The following XKR4 variants were observed in gnomAD, a reference collection of about 807,000 sequenced individuals.
XKR4 encodes the protein XK related 4.
In XKR4, 12 loss-of-function variants were observed where a neutral mutation model predicts 53.9. That is an observed-to-expected ratio of 0.22 (90% CI 0.14 to 0.36). The LOEUF is 0.36. Among genes scored for constraint, XKR4 ranks in the 10% least tolerant of loss-of-function variants. XKR4 has a pLI of 1.00. For synonymous variants in XKR4, 354 were observed against 362.4 expected, an observed-to-expected ratio of 0.98 and a Z score of 0.26; for missense variants, 799 against 859.5, an observed-to-expected ratio of 0.93 and a Z score of 0.88.
chr8:55,165,162 A>G (rs903361922), intron 1 of XKR4, among the ~76,000 whole-genome samples: 2 of 152,188 alleles, frequency 1.3e-5, no homozygotes, highest in African/African-American at 4.8e-5. Context: ...AGTTAACTCA[A>G]CTGGTCTTTA....
At chr8:55,464,471 G>A (rs1039914149) in intron 2 of XKR4, among the ~76,000 whole-genome samples, 15 of 152,058 alleles carry the variant, frequency 9.9e-5, no homozygotes, top group African/African-American at 2.9e-4. Context: ...TTGATGGGAC[G>A]TATCTCAAAA....
At chr8:55,468,370 A>G (rs919797671) in intron 2 of XKR4, among the ~76,000 whole-genome samples, 12 of 152,266 alleles carry the variant, frequency 7.9e-5, no homozygotes, top group African/African-American at 2.6e-4. Context: ...AACAGACAGA[A>G]GTATGAAGCC....
rs1019960976 is a variant in XKR4, at chr8:55,294,770, G to A, written c.807-62908G>A. Among the ~76,000 whole-genome samples the A allele has an allele frequency of 2.6e-5, 4 of 152,216 alleles. 1 individual carries two copies. The South Asian group carries it at 8.3e-4, about 32-fold the overall frequency. ...CTTCTATCAGTTAGACACCTGCTTT[G>A]GTTACTTAATAGGTGAGTGTTTGCA... On this transcript the variant is annotated intron_variant, in intron 1 of 2. Coordinates refer to ENST00000327381, the MANE Select transcript of XKR4 (RefSeq NM_052898.2).
chr8:55,454,438 G>A, intron 2 of XKR4: 1 of 1,203,728 alleles, frequency 8.3e-7, no homozygotes. Flanking sequence ...TGAGCTGCTG[G>A]TAGCTCCGGG....
At position 55,524,763 on chromosome 8, in the gene XKR4, A is replaced by G. The variant is rs1806858276; in HGVS notation, c.*536A>G. On this transcript the variant is annotated 3_prime_UTR_variant, in exon 3 of 3. Coordinates refer to ENST00000327381, the MANE Select transcript of XKR4 (RefSeq NM_052898.2). ...AAAAATAGTATTGCTTAGAAAAGAA[A>G]CCATTTTCTCATTTGGAAATCCATA... is the stretch of plus-strand genomic sequence containing the variant. 1 of 152,916 alleles carries G rather than the reference A, an allele frequency of 6.5e-6. No homozygotes were observed. Among genetic ancestry groups the G allele is most frequent in the Non-Finnish European group, 1.5e-5 (1 of 68,462 alleles). The allele number at this position is 152,916 out of a possible 1,614,324, so 9.5% of individuals were successfully genotyped here. A position where few individuals can be genotyped will look rare whatever the true frequency, so the allele number is the denominator to read the frequency against.
intron 1 of XKR4, among the ~76,000 whole-genome samples, chr8:55,218,823 T>C (rs1817838626): frequency 6.6e-6 from 1 of 152,198 alleles, no homozygotes; most frequent in Non-Finnish European, 1.5e-5. Context: ...AAAAAGAGCA[T>C]TCCTCTCATC....
chr8:55,491,397 A>G (rs1034444080), intron 2 of XKR4, among the ~76,000 whole-genome samples: 3 of 152,116 alleles, frequency 2.0e-5, no homozygotes. Context: ...CATATTTGGA[A>G]TTTGAATTTT....
chr8:55,355,009 T>C (rs1410562578), intron 1 of XKR4, among the ~76,000 whole-genome samples: 1 of 151,780 alleles, frequency 6.6e-6, no homozygotes, highest in African/African-American at 2.4e-5. Flanking sequence ...GTTCAAGTGA[T>C]TCTCCCGTCT....
intron 1 of XKR4, among the ~76,000 whole-genome samples, chr8:55,255,027 A>G (rs1048813019): frequency 2.0e-5 from 3 of 152,186 alleles, no homozygotes; most frequent in Non-Finnish European, 4.4e-5. Context: ...ACCGAATTTA[A>G]GCTAAAGCCA....
intron 1 of XKR4, among the ~76,000 whole-genome samples, chr8:55,195,998 C>A (rs1465247789): frequency 3.3e-5 from 5 of 152,192 alleles, no homozygotes; most frequent in Non-Finnish European, 1.5e-5. Flanking sequence ...AGGGACACAG[C>A]ATGCTCCTGT....
Position 55,405,614 on chromosome 8 carries a change from C to T in XKR4, c.1006+47737C>T, listed in dbSNP as rs72645658. Among the ~76,000 whole-genome samples, 392 of 152,224 alleles carry T rather than the reference C, an allele frequency of 2.6e-3. 4 individuals carry two copies. Among genetic ancestry groups the T allele is most frequent in the Non-Finnish European group, 4.5e-3 (305 of 68,020 alleles). ...TGCCCTGATTAGCTGGTGAGGAATC[C>T]GCAGATTCCATTGATGGTAGCACAC... On this transcript the variant is annotated intron_variant, in intron 2 of 2. Coordinates refer to ENST00000327381, the MANE Select transcript of XKR4 (RefSeq NM_052898.2).
At chr8:55,124,198 A>T (rs567313434) in intron 1 of XKR4, among the ~76,000 whole-genome samples, 1 of 152,174 alleles carries the variant, frequency 6.6e-6, no homozygotes, top group African/African-American at 2.4e-5. Flanking sequence ...CAAGCTGGCG[A>T]CGCTGCTCAC....
intron 1 of XKR4, among the ~76,000 whole-genome samples, chr8:55,324,717 GT>G (rs1803268598): frequency 6.6e-6 from 1 of 152,158 alleles, no homozygotes; most frequent in Non-Finnish European, 1.5e-5. Context: ...ATATGTGTAT[GT>G]CTAATTTCTG....
chr8:55,277,655 A>G (rs1818782689), intron 1 of XKR4, among the ~76,000 whole-genome samples: 1 of 152,220 alleles, frequency 6.6e-6, no homozygotes, highest in Admixed American at 6.5e-5. Flanking sequence ...GTCGATGCTC[A>G]AAAACTCAGA....
chr8:55,486,353 C>A (rs1291086074), intron 2 of XKR4, among the ~76,000 whole-genome samples: 3 of 152,290 alleles, frequency 2.0e-5, no homozygotes, highest in African/African-American at 7.2e-5. Context: ...CTTTTACAAC[C>A]ACAGATGCAC....
Position 55,213,856 on chromosome 8 carries a change from C to CTTTTTTTTTTTTTTTT in XKR4, c.806+110574_806+110589dup, listed in dbSNP as rs11433893. Reference sequence around the variant, plus strand: ...TTAATACTTCTTTTTTTCTTTCTTTCTTTTTTTTTTTTTTTTTTTTTTTTT... The same window carrying CTTTTTTTTTTTTTTTT: ...TTAATACTTCTTTTTTTCTTTCTTTCTTTTTTTTTTTTTTTTTTTTTTTTTTTTTTTTTTTTTTTTT... On this transcript the variant is annotated intron_variant, in intron 1 of 2. Coordinates refer to ENST00000327381, the MANE Select transcript of XKR4 (RefSeq NM_052898.2). Among the ~76,000 whole-genome samples, 77 of 82,348 alleles carry CTTTTTTTTTTTTTTTT rather than the reference C, an allele frequency of 9.4e-4. 1 individual carries two copies. Among genetic ancestry groups the CTTTTTTTTTTTTTTTT allele is most frequent in the African/African-American group, 1.7e-3 (34 of 19,980 alleles). 54.0% of individuals were successfully genotyped at this position (82,348 alleles called of 152,430 possible). A position where few individuals can be genotyped will look rare whatever the true frequency, so the allele number is the denominator to read the frequency against.
At chr8:55,493,669 C>T (rs767477310) in intron 2 of XKR4, among the ~76,000 whole-genome samples, 16 of 152,120 alleles carry the variant, frequency 1.1e-4, no homozygotes, top group Non-Finnish European at 1.6e-4. Context: ...CAAAAAATAA[C>T]TGTGGTTTCT....
chr8:55,401,818 T>C (rs1804605684), intron 2 of XKR4, among the ~76,000 whole-genome samples: 1 of 152,232 alleles, frequency 6.6e-6, no homozygotes, highest in Non-Finnish European at 1.5e-5. Flanking sequence ...CAATTATCAT[T>C]ACGATGTGGT....
At chr8:55,147,107 G>A (rs1157054294) in intron 1 of XKR4, among the ~76,000 whole-genome samples, 1 of 152,158 alleles carries the variant, frequency 6.6e-6, no homozygotes, top group East Asian at 1.9e-4. Flanking sequence ...ACTAAAATAG[G>A]TTCTGGAGAT....
Sources: gnomAD v4.1 joint callset for allele counts (sites outside exome capture counted in the v4.1 genomes callset) on GRCh38, gnomAD v4.1.1 for gene constraint, MANE v1.5 for transcripts, NCBI Gene and HGNC (gene_info 2026-07-23, HGNC 2026-07-21) for gene names.